The following EPHB1 variants were observed in gnomAD, a reference collection of about 807,000 sequenced individuals.
EPHB1 encodes ephrin type-B receptor 1.
A neutral mutation model predicts 94.4 loss-of-function variants in EPHB1; 30 were observed. The ratio of observed to expected loss-of-function variants is 0.32; its 90% CI spans 0.24 to 0.43. The LOEUF (loss-of-function observed/expected upper bound fraction) is 0.43. Ranked by LOEUF, EPHB1 falls within the 20% of genes least tolerant of loss-of-function variation. EPHB1 has a pLI of 1.00. For synonymous variants in EPHB1, 522 were observed against 489.1 expected (o/e 1.07, Z -0.89); for missense variants, 1,055 against 1,308.3 (o/e 0.81, Z 2.99).
intron 3 of EPHB1, among the ~76,000 whole-genome samples, chr3:135,073,575 C>T (rs1051524837): frequency 2.0e-5 from 3 of 152,202 alleles, no homozygotes; most frequent in Admixed American, 1.3e-4. Flanking sequence ...ACCGTAATAC[C>T]ATTATCACAT....
chr3:134,808,816 T>C (rs1032895610), intron 1 of EPHB1, among the ~76,000 whole-genome samples: 4 of 152,206 alleles, frequency 2.6e-5, no homozygotes, highest in Non-Finnish European at 5.9e-5. Context: ...GCAGTGGTGT[T>C]TGGTTAAAGG....
At position 134,832,749 on chromosome 3, in the gene EPHB1, T is replaced by C. The variant is rs151242539; in HGVS notation, c.58+37060T>C. On this transcript the variant is annotated intron_variant, in intron 1 of 15. Coordinates refer to ENST00000398015, the MANE Select transcript of EPHB1 (RefSeq NM_004441.5). ...GACTGAGTCTGAAACTGGCTCTCAATTCCTTAAAAATGAAATTAGCAAGTG... is the reference window on the plus strand; with the variant it reads ...GACTGAGTCTGAAACTGGCTCTCAACTCCTTAAAAATGAAATTAGCAAGTG... 1.5e-3 allele frequency among the ~76,000 whole-genome samples: 225 copies of C among 152,342 alleles called. 2 individuals are homozygous for C. The highest frequency in any genetic ancestry group is 1.7e-3 in the African/African-American group (72 of 41,588).
At chr3:134,876,532 A>G (rs369986880) in intron 1 of EPHB1, among the ~76,000 whole-genome samples, 1 of 152,228 alleles carries the variant, frequency 6.6e-6, no homozygotes, top group Non-Finnish European at 1.5e-5. Flanking sequence ...AGTAAGGTTC[A>G]TGCTTAGGCA....
intron 1 of EPHB1, among the ~76,000 whole-genome samples, chr3:134,918,721 G>T (rs2038619575): frequency 6.6e-6 from 1 of 152,166 alleles, no homozygotes; most frequent in African/African-American, 2.4e-5. Flanking sequence ...TAACACTCCA[G>T]GCGTGTGAAT....
In EPHB1 at chr3:134,975,892, AAAAC is replaced by A. The variant is rs1262399158; in HGVS notation, c.805+23850_805+23853del. 5.3e-5 allele frequency among the ~76,000 whole-genome samples: 8 copies of A among 152,252 alleles called. No individual in the cohort carries two copies. The East Asian group carries it at 1.5e-3, about 29-fold the overall frequency. On this transcript the variant is annotated intron_variant, in intron 3 of 15. Coordinates refer to ENST00000398015, the MANE Select transcript of EPHB1 (RefSeq NM_004441.5). ...TTCTGGAGATGAGGCCAGACATATA[AAAAC>A]AAACAAACAGAATCAAGCCACTAGA...
intron 3 of EPHB1, among the ~76,000 whole-genome samples, chr3:135,093,371 ACAC>A (rs1938629087): frequency 6.6e-6 from 1 of 152,062 alleles, no homozygotes; most frequent in Non-Finnish European, 1.5e-5. Flanking sequence ...CCTTCTTGCC[ACAC>A]CACTCACACT....
chr3:135,042,335 C>A (rs1376431617), intron 3 of EPHB1, among the ~76,000 whole-genome samples: 1 of 152,210 alleles, frequency 6.6e-6, no homozygotes, highest in Non-Finnish European at 1.5e-5. Flanking sequence ...CACTTCTCAA[C>A]ACTGTTACAT....
At chr3:134,804,637 G>A (rs1263088543) in intron 1 of EPHB1, among the ~76,000 whole-genome samples, 1 of 152,206 alleles carries the variant, frequency 6.6e-6, no homozygotes. Context: ...AGGGCCAGCT[G>A]CTGCTTTTTG....
chr3:134,973,697 G>C (rs1934074054), intron 3 of EPHB1, among the ~76,000 whole-genome samples: 1 of 152,146 alleles, frequency 6.6e-6, no homozygotes, highest in South Asian at 2.1e-4. Flanking sequence ...CTCCCAAAGT[G>C]CTAGGATTAC....
At position 135,058,938 on chromosome 3, in the gene EPHB1, T is replaced by C. The variant is rs560003641; in HGVS notation, c.806-47510T>C. 2.6e-5 allele frequency among the ~76,000 whole-genome samples: 4 copies of C among 152,366 alleles called. No homozygotes were observed. The East Asian group carries it at 7.7e-4, about 29-fold the overall frequency. The stretch of plus-strand genomic sequence containing the variant: ...CTTAATTTGCCATAGGAAGATTTTA[T>C]TCTCAGAACACTCAATGACACCTCA... On this transcript the variant is annotated intron_variant, in intron 3 of 15. Transcript: ENST00000398015.
At chr3:135,029,194 C>A (rs1936316595) in intron 3 of EPHB1, among the ~76,000 whole-genome samples, 1 of 72,096 alleles carries the variant, frequency 1.4e-5, no homozygotes, top group African/African-American at 3.8e-5. Context: ...CAGTCTGTGT[C>A]TTTTAATTGG....
intron 3 of EPHB1, among the ~76,000 whole-genome samples, chr3:135,019,686 C>T (rs778612255): frequency 1.3e-5 from 2 of 152,130 alleles, no homozygotes; most frequent in African/African-American, 2.4e-5. Context: ...ACATTGTGAT[C>T]GTTTTCCCTA....
chr3:135,048,264 T>C lies in EPHB1; in HGVS notation c.806-58184T>C, dbSNP rs565075587. ...TTTTTCTTTCTTTCTTTTTTCTTTT[T>C]TTTTTTTTTTTTTTTTTTGAGATAG... On this transcript the variant is annotated intron_variant, in intron 3 of 15. Transcript: ENST00000398015. Among the ~76,000 whole-genome samples, 287 of 128,270 alleles carry C rather than the reference T, an allele frequency of 2.2e-3. 2 individuals are homozygous for C. The highest frequency in any genetic ancestry group is 4.2e-3 in the Non-Finnish European group (256 of 60,680). 84.2% of individuals were successfully genotyped at this position (128,270 alleles called of 152,430 possible).
At chr3:134,837,335 A>G (rs1189822070) in intron 1 of EPHB1, among the ~76,000 whole-genome samples, 1 of 152,218 alleles carries the variant, frequency 6.6e-6, no homozygotes, top group Non-Finnish European at 1.5e-5. Flanking sequence ...ACAAGTTAAT[A>G]TTTTTTAAGT....
At position 135,091,526 on chromosome 3, in the gene EPHB1, G is replaced by A. The variant is rs763927742; in HGVS notation, c.806-14922G>A. Among the ~76,000 whole-genome samples the A allele has an allele frequency of 7.8e-4, 118 of 152,210 alleles. 1 individual carries two copies. The highest frequency in any genetic ancestry group is 2.6e-4 in the Non-Finnish European group (18 of 68,026). The stretch of plus-strand genomic sequence containing the variant: ...CGGCAGGCATGGAGAGGTAGTGACA[G>A]TATCTGTGCTGGGTATTGGTGGCCC... On this transcript the variant is annotated intron_variant, in intron 3 of 15. Coordinates refer to ENST00000398015, the MANE Select transcript of EPHB1 (RefSeq NM_004441.5).
At chr3:134,807,393 C>T (rs11712035) in intron 1 of EPHB1, among the ~76,000 whole-genome samples, 51,552 of 151,802 alleles carry the variant, frequency 0.34, 10,023 homozygotes, top group African/African-American at 0.54. Flanking sequence ...TAATAGGGCA[C>T]GTGATAGACT....
intron 15 of EPHB1, among the ~76,000 whole-genome samples, chr3:135,257,911 C>T (rs1365431444): frequency 6.6e-6 from 1 of 152,190 alleles, no homozygotes; most frequent in East Asian, 1.9e-4. Flanking sequence ...GATATAATCT[C>T]GTGGTGCGCC....
chr3:134,858,396 T>C (rs2037172151), intron 1 of EPHB1, among the ~76,000 whole-genome samples: 1 of 152,116 alleles, frequency 6.6e-6, no homozygotes. Context: ...CATAGCTGAG[T>C]AAACAGGGAG....
intron 12 of EPHB1, among the ~76,000 whole-genome samples, chr3:135,235,925 G>C (rs1943640545): frequency 6.6e-6 from 1 of 152,168 alleles, no homozygotes; most frequent in South Asian, 2.1e-4. Context: ...TAAAGTGTTG[G>C]AGCTATCCCT....
Sources: allele counts gnomAD v4.1 joint callset (sites outside exome capture counted in the v4.1 genomes callset), GRCh38; gene constraint gnomAD v4.1.1; transcripts MANE v1.5; gene names NCBI Gene and HGNC (gene_info 2026-07-23, HGNC 2026-07-21).